The following ETS1 variants were observed in gnomAD, a reference collection of about 807,000 sequenced individuals.
The protein encoded by ETS1 is protein C-ets-1.
ETS1 carries 15 observed loss-of-function variants against 58.6 expected under a neutral mutation model. The ratio of observed to expected loss-of-function variants is 0.26; its 90% confidence interval spans 0.17 to 0.39. The LOEUF (loss-of-function observed/expected upper bound fraction) is 0.39. ETS1 is among the 10% of genes least tolerant of loss of function. ETS1 has a pLI of 1.00. For missense variants in ETS1, 417 were observed against 610.5 expected (o/e 0.68, Z 3.34); for synonymous variants, 214 against 218.2 (o/e 0.98, Z 0.17).
intron 3 of ETS1, among the ~76,000 whole-genome samples, chr11:128,506,358 T>C (rs190591325): frequency 6.6e-6 from 1 of 152,288 alleles, no homozygotes; most frequent in East Asian, 1.9e-4. Context: ...AGCCCAACAA[T>C]GAATACCTTG....
intron 1 of ETS1, among the ~76,000 whole-genome samples, chr11:128,578,954 C>A (rs542494051): frequency 6.6e-6 from 1 of 151,954 alleles, no homozygotes; most frequent in Admixed American, 6.5e-5. Flanking sequence ...CACTAAATGC[C>A]GAAAAAGAGC....
intron 3 of ETS1, chr11:128,536,436 TAGTA>T (rs1863973891): frequency 6.6e-6 from 1 of 152,190 alleles, no homozygotes; most frequent in Admixed American, 6.5e-5. Flanking sequence ...TTTATTCAAA[TAGTA>T]AGAAGAGAAG....
chr11:128,496,836 G>A (rs567652462), intron 3 of ETS1, among the ~76,000 whole-genome samples: 63 of 152,288 alleles, frequency 4.1e-4, no homozygotes, highest in Non-Finnish European at 8.1e-4. Flanking sequence ...TTCTGGCTAA[G>A]GTTAATGCAA....
At chr11:128,491,016 G>A (rs1208490639) in intron 3 of ETS1, among the ~76,000 whole-genome samples, 2 of 152,066 alleles carry the variant, frequency 1.3e-5, no homozygotes, top group Non-Finnish European at 2.9e-5. Flanking sequence ...CACTGTGCCA[G>A]CATGAGCAGG....
chr11:128,521,467 G>A (rs1467125450), intron 3 of ETS1, among the ~76,000 whole-genome samples: 1 of 152,196 alleles, frequency 6.6e-6, no homozygotes. Flanking sequence ...TCTGCCTGAA[G>A]GCCAACCCGT....
intron 8 of ETS1, among the ~76,000 whole-genome samples, chr11:128,469,911 G>A (rs7101705): frequency 3.9e-5 from 6 of 152,024 alleles, no homozygotes; most frequent in East Asian, 3.9e-4. Flanking sequence ...CAATACGGCC[G>A]TGGTTTAAAG....
chr11:128,476,535 T>C (rs1298473859), intron 8 of ETS1, among the ~76,000 whole-genome samples: 1 of 152,264 alleles, frequency 6.6e-6, no homozygotes, highest in Non-Finnish European at 1.5e-5. Flanking sequence ...AGTTTCATCA[T>C]CTATGAAATG....
chr11:128,548,707 C>T (rs1864177522), intron 3 of ETS1, among the ~76,000 whole-genome samples: 1 of 152,260 alleles, frequency 6.6e-6, no homozygotes, highest in Non-Finnish European at 1.5e-5. Flanking sequence ...CCACGCCCGT[C>T]CTCTCCTCCC....
At position 128,549,267 on chromosome 11, in the gene ETS1, C is replaced by T. The variant is rs1286007576; in HGVS notation, c.214+7024G>A. 1.3e-5 allele frequency among the ~76,000 whole-genome samples: 2 copies of T among 150,042 alleles called. No homozygotes were observed. The highest frequency in any genetic ancestry group is 3.0e-5 in the Non-Finnish European group (2 of 67,792). On this transcript the variant is annotated intron_variant, in intron 3 of 9. Coordinates refer to ENST00000392668, the MANE Select transcript of ETS1 (RefSeq NM_001143820.2). The surrounding 1 kb of genome is among the most constrained non-coding windows in gnomAD (Gnocchi z 4.3). ...ACCCTCCACTCTCACGCGCCCCTCG[C>T]CCCTCGCCCCTCGCCCCTCGCCCCT...
rs765433081 is a variant in ETS1, at chr11:128,584,938, AAAAGAAAGAAAG to A, written c.-15+2538_-15+2549del. ...AGAAAGAAAGAGGAAGAAAAAAGAG[AAAAGAAAGAAAG>A]AAAGAAAGAAAGAAAGAAAGAAAGA... On this transcript the variant is annotated intron_variant, in intron 1 of 9. Coordinates refer to ENST00000392668, the MANE Select transcript of ETS1 (RefSeq NM_001143820.2). Among the ~76,000 whole-genome samples the A allele has an allele frequency of 2.1e-3, 132 of 62,592 alleles. 6 individuals carry two copies. Among genetic ancestry groups the A allele is most frequent in the African/African-American group, 6.6e-3 (107 of 16,324 alleles). The allele number at this position is 62,592 out of a possible 152,430, so 41.1% of individuals were successfully genotyped here.
chr11:128,513,774 AG>A (rs756137923), intron 3 of ETS1, among the ~76,000 whole-genome samples: 69 of 152,326 alleles, frequency 4.5e-4, no homozygotes, highest in Admixed American at 1.0e-3. Flanking sequence ...AGACTTGGGC[AG>A]GGGCAGTGGC....
chr11:128,583,128 C>T (rs117021234), intron 1 of ETS1, among the ~76,000 whole-genome samples: 1 of 152,158 alleles, frequency 6.6e-6, no homozygotes, highest in South Asian at 2.1e-4. Context: ...GGTGCTGATG[C>T]CGCAGGTCAG....
In ETS1 at chr11:128,522,465, G is replaced by A. The variant is rs543875020; in HGVS notation, c.215-31889C>T. 4 of 552,000 alleles carry A rather than the reference G, an allele frequency of 7.2e-6. No homozygotes were observed. In the South Asian group the frequency reaches 2.4e-4, roughly 32 times the overall value. The allele number at this position is 552,000 out of a possible 1,614,324, so 34.2% of individuals were successfully genotyped here. A position where few individuals can be genotyped will look rare whatever the true frequency, so the allele number is the denominator to read the frequency against. Reference sequence around the variant, plus strand: ...GGGCGGGGCGTCGGGGCAGGGCGGGGAGCCGGGGGCGGGGCCGAGCACCGC... The same window carrying A: ...GGGCGGGGCGTCGGGGCAGGGCGGGAAGCCGGGGGCGGGGCCGAGCACCGC... On this transcript the variant is annotated intron_variant, in intron 3 of 9. Transcript: ENST00000392668.
intron 2 of ETS1, among the ~76,000 whole-genome samples, chr11:128,570,984 G>C (rs1200104346): frequency 6.6e-6 from 1 of 152,004 alleles, no homozygotes; most frequent in Non-Finnish European, 1.5e-5. Flanking sequence ...AAAAGTAAAC[G>C]GTGCTTACAT....
intron 2 of ETS1, among the ~76,000 whole-genome samples, chr11:128,563,648 G>A (rs1864441925): frequency 6.6e-6 from 1 of 152,202 alleles, no homozygotes; most frequent in South Asian, 2.1e-4. Context: ...GGGCGAGCCT[G>A]CAGAGCCAAA....
At chr11:128,485,975 A>G (rs1862619283) in intron 6 of ETS1, 94 bp downstream of exon 6, 1 of 739,636 alleles carries the variant, frequency 1.4e-6, no homozygotes, top group Non-Finnish European at 2.4e-6. Flanking sequence ...TATTTTTGAT[A>G]GAATTACCAT....
rs536930503 is a variant in ETS1 at position 128,544,905 on chromosome 11, C to T, written c.214+11386G>A. Among the ~76,000 whole-genome samples the T allele has an allele frequency of 3.9e-5, 6 of 152,138 alleles. No individual in the cohort carries two copies. The South Asian group carries it at 1.2e-3, about 32-fold the overall frequency. On this transcript the variant is annotated intron_variant, in intron 3 of 9. Coordinates refer to ENST00000392668, the MANE Select transcript of ETS1 (RefSeq NM_001143820.2). ...CAGAGGTCTGGGAAGTCTGTGTAAA[C>T]TTCAGCACGTGCTGTGTACACTGTG...
intron 3 of ETS1, among the ~76,000 whole-genome samples, chr11:128,522,792 AGGCATGTG>A (rs1167759891): frequency 6.6e-6 from 1 of 152,146 alleles, no homozygotes; most frequent in Admixed American, 6.5e-5. Flanking sequence ...ACAGGACGTG[AGGCATGTG>A]GATGAAGGCG....
Position 128,568,292 on chromosome 11 carries a change from G to A in ETS1, c.69+4770C>T, listed in dbSNP as rs144872069. On this transcript the variant is annotated intron_variant, in intron 2 of 9. Coordinates refer to ENST00000392668, the MANE Select transcript of ETS1 (RefSeq NM_001143820.2). ...CTGGGCCATGTTTAGTCAAAACTGA[G>A]AGCAGCCCAGCCCGCTCATTCCCGC... Among the ~76,000 whole-genome samples the A allele has an allele frequency of 4.8e-3, 724 of 152,244 alleles. 9 individuals are homozygous for A. The highest frequency in any genetic ancestry group is 0.016 in the African/African-American group (655 of 41,532).
Sources: allele counts gnomAD v4.1 joint callset (sites outside exome capture counted in the v4.1 genomes callset), GRCh38; gene constraint gnomAD v4.1.1; non-coding constraint Gnocchi (gnomAD v3.1); transcripts MANE v1.5; gene names NCBI Gene and HGNC (gene_info 2026-07-23, HGNC 2026-07-21).